Variants in PIK3C3 observed in about 807,000 individuals in gnomAD.
The protein encoded by PIK3C3 is phosphatidylinositol 3-kinase catalytic subunit type 3, also known as PI3-kinase type 3.
In PIK3C3, 95 loss-of-function variants were observed where a neutral mutation model predicts 126.1. That is an observed-to-expected ratio of 0.75 (90% CI 0.64 to 0.89). The LOEUF is 0.89. Among genes scored for constraint, PIK3C3 ranks in the 40% least tolerant of loss-of-function variants. The probability of loss-of-function intolerance (pLI) is 0.00; values close to 1 mark genes in which losing one functional copy is unlikely to be tolerated. For synonymous variants in PIK3C3, 374 were observed against 360.0 expected (o/e 1.04, Z -0.44); for missense variants, 829 against 1,063.2 (o/e 0.78, Z 3.06).
intron 13 of PIK3C3, chr18:42,025,842 T>G (rs1983542132): frequency 6.6e-6 from 1 of 151,956 alleles, no homozygotes; most frequent in Non-Finnish European, 1.5e-5. Flanking sequence ...TCCACAAGAG[T>G]GGAATTATTC....
intron 5 of PIK3C3, 115 bp downstream of exon 5, chr18:41,988,013 C>T (rs1021562557): frequency 1.7e-5 from 10 of 604,684 alleles, no homozygotes; most frequent in Non-Finnish European, 2.8e-5. Context: ...CAGGGTTAAC[C>T]CCTGTAGCTG....
chr18:41,965,581 A>G (rs147481174), intron 3 of PIK3C3, among the ~76,000 whole-genome samples: 251 of 152,342 alleles, frequency 1.6e-3, no homozygotes, highest in African/African-American at 5.8e-3. Context: ...GTGGGGCCCA[A>G]GAATCAGCAT....
intron 4 of PIK3C3, among the ~76,000 whole-genome samples, chr18:41,981,937 T>G (rs572233700): frequency 6.6e-6 from 1 of 151,652 alleles, no homozygotes; most frequent in African/African-American, 2.4e-5. Context: ...TGAGCCGAGA[T>G]CACGCCACTG....
chr18:41,968,662 C>A (rs1372672431), intron 3 of PIK3C3, among the ~76,000 whole-genome samples: 2 of 152,100 alleles, frequency 1.3e-5, no homozygotes, highest in Non-Finnish European at 2.9e-5. Context: ...ATGTTTATGG[C>A]ATCATTACTT....
chr18:42,030,166 A>C (rs533817996), intron 15 of PIK3C3, among the ~76,000 whole-genome samples: 1 of 152,334 alleles, frequency 6.6e-6, no homozygotes, highest in African/African-American at 2.4e-5. Flanking sequence ...GAGATCATTT[A>C]GACTAGAATT....
intron 18 of PIK3C3, among the ~76,000 whole-genome samples, chr18:42,040,156 CT>C (rs55821466): frequency 0.056 from 6,149 of 110,454 alleles, 127 homozygotes; most frequent in Non-Finnish European, 0.079. Context: ...GTCCCCTTTC[CT>C]TTTTTTTTTT....
intron 9 of PIK3C3, among the ~76,000 whole-genome samples, chr18:42,000,796 A>G (rs932460943): frequency 6.6e-6 from 1 of 152,110 alleles, no homozygotes; most frequent in Non-Finnish European, 1.5e-5. Context: ...ATCAGATCTC[A>G]TGAGACTTAC....
intron 20 of PIK3C3, 75 bp downstream of exon 20, chr18:42,043,892 A>T (rs1984440699): frequency 1.1e-6 from 1 of 908,834 alleles, no homozygotes; most frequent in Admixed American, 1.9e-5. Flanking sequence ...CCATAATCAT[A>T]TACATTTAGA....
In PIK3C3 at chr18:41,962,753, A is replaced by G. The variant is rs1041486314; in HGVS notation, c.401+121A>G. Reference sequence around the variant, plus strand: ...TCTCCAGTGTAAACCAGTTAGGTACATATGATTTGATCATTCCTTACACTG... The same window carrying G: ...TCTCCAGTGTAAACCAGTTAGGTACGTATGATTTGATCATTCCTTACACTG... On this transcript the variant is annotated intron_variant, in intron 3 of 24. Transcript: ENST00000262039. The G allele has an allele frequency of 1.0e-5, 8 of 762,956 alleles. No individual in the cohort carries two copies. In the African/African-American group the frequency reaches 1.4e-4, roughly 13 times the overall value. The allele number at this position is 762,956 out of a possible 1,614,324, so 47.3% of individuals were successfully genotyped here. A position where few individuals can be genotyped will look rare whatever the true frequency, so the allele number is the denominator to read the frequency against.
intron 24 of PIK3C3, among the ~76,000 whole-genome samples, chr18:42,073,722 A>AT (rs11373835): frequency 0.5 from 73,585 of 147,754 alleles, 19,627 homozygotes; most frequent in African/African-American, 0.72. Flanking sequence ...TTCTTGAGTA[A>AT]TTTTTTTTTT....
intron 24 of PIK3C3, among the ~76,000 whole-genome samples, chr18:42,068,056 G>T (rs1309718032): frequency 6.6e-6 from 1 of 152,126 alleles, no homozygotes; most frequent in Admixed American, 6.5e-5. Flanking sequence ...GAAAAATTAG[G>T]CTGCTTTTTT....
intron 23 of PIK3C3, among the ~76,000 whole-genome samples, chr18:42,065,262 A>G (rs1275913080): frequency 2.0e-5 from 3 of 152,206 alleles, no homozygotes; most frequent in Non-Finnish European, 2.9e-5. Context: ...CAATGAAAAA[A>G]TAAAACAATC....
At chr18:42,008,711 A>G (rs966302127) in intron 10 of PIK3C3, among the ~76,000 whole-genome samples, 5 of 152,018 alleles carry the variant, frequency 3.3e-5, no homozygotes, top group Middle Eastern at 6.8e-3. Context: ...TTTTACTCCA[A>G]TGCTTATGTC....
chr18:41,956,034 T>C (rs1979754371), intron 1 of PIK3C3, among the ~76,000 whole-genome samples: 1 of 151,934 alleles, frequency 6.6e-6, no homozygotes, highest in Non-Finnish European at 1.5e-5. Context: ...ACTGGTATAA[T>C]GACGAGGGAT....
rs35430380 is a variant in PIK3C3 at position 41,975,698 on chromosome 18, G to GT, written c.531+5259dup. Among the ~76,000 whole-genome samples, 1,119 of 134,670 alleles carry GT rather than the reference G, an allele frequency of 8.3e-3. 7 individuals are homozygous for GT. Among genetic ancestry groups the GT allele is most frequent in the Middle Eastern group, 0.015 (4 of 268 alleles). 88.3% of individuals were successfully genotyped at this position (134,670 alleles called of 152,430 possible). A position where few individuals can be genotyped will look rare whatever the true frequency, so the allele number is the denominator to read the frequency against. On this transcript the variant is annotated intron_variant, in intron 4 of 24. Coordinates refer to ENST00000262039, the MANE Select transcript of PIK3C3 (RefSeq NM_002647.4). Reference sequence around the variant, plus strand: ...AGTTTTGGGAAATCTAAAACGGACTGTTTTTTTTTTTTTTTTTCTGAGATG... The same window carrying GT: ...AGTTTTGGGAAATCTAAAACGGACTGTTTTTTTTTTTTTTTTTTCTGAGATG...
At chr18:42,040,489 A>C (rs558084797) in intron 18 of PIK3C3, among the ~76,000 whole-genome samples, 188 bp from the exon 19 acceptor site, 1 of 152,362 alleles carries the variant, frequency 6.6e-6, no homozygotes, top group African/African-American at 2.4e-5. Flanking sequence ...ATTTAAAAAA[A>C]AAAAGTTTTC....
At chr18:41,997,073 A>C (rs1982062470) in intron 9 of PIK3C3, among the ~76,000 whole-genome samples, 1 of 152,104 alleles carries the variant, frequency 6.6e-6, no homozygotes, top group South Asian at 2.1e-4. Context: ...CTCCTTCACA[A>C]GTAAGATAAT....
intron 12 of PIK3C3, among the ~76,000 whole-genome samples, chr18:42,018,491 A>T (rs1208269557): frequency 6.6e-6 from 1 of 152,130 alleles, no homozygotes; most frequent in African/African-American, 2.4e-5. Context: ...GCTTTATATA[A>T]TGGCTTCCTG....
chr18:41,959,714 A>T (rs1302763744), intron 2 of PIK3C3, among the ~76,000 whole-genome samples: 1 of 152,134 alleles, frequency 6.6e-6, no homozygotes, highest in Non-Finnish European at 1.5e-5. Context: ...GAATCGCCGG[A>T]ACCCAGGAGG....
Sources: gnomAD v4.1 joint callset for allele counts (sites outside exome capture counted in the v4.1 genomes callset) on GRCh38, gnomAD v4.1.1 for gene constraint, MANE v1.5 for transcripts, NCBI Gene and HGNC (gene_info 2026-07-23, HGNC 2026-07-21) for gene names.